Variants in CHST11 observed in about 807,000 individuals in gnomAD.
CHST11 encodes carbohydrate sulfotransferase 11.
CHST11 carries 9 observed loss-of-function variants against 30.4 expected under a neutral mutation model. The ratio of observed to expected loss-of-function variants is 0.30; its 90% CI spans 0.18 to 0.52. The LOEUF (loss-of-function observed/expected upper bound fraction) is 0.52, where lower values mean the gene tolerates loss of function less well. CHST11 is among the 20% of genes least tolerant of loss of function. The pLI is 0.97. For missense variants in CHST11, 348 were observed against 460.6 expected, an observed-to-expected ratio of 0.76 and a Z score of 2.24; for synonymous variants, 152 against 187.8, an observed-to-expected ratio of 0.81 and a Z score of 1.56.
chr12:104,464,067 C>CTT lies in CHST11; in HGVS notation c.118+6555_118+6556dup, dbSNP rs35504512. On this transcript the variant is annotated intron_variant, in intron 1 of 2. Coordinates refer to ENST00000303694, the MANE Select transcript of CHST11 (RefSeq NM_018413.6). ...TTGAAAATGAAGTCTCCTACTTGCA[C>CTT]TTTTTTTTTTTTTTTTTTGAGGTGG... 9.6e-3 allele frequency among the ~76,000 whole-genome samples: 1,294 copies of CTT among 134,968 alleles called. 31 individuals carry two copies. The highest frequency in any genetic ancestry group is 0.034 in the African/African-American group (1,198 of 35,602). The allele number at this position is 134,968 out of a possible 152,430, so 88.5% of individuals were successfully genotyped here.
intron 1 of CHST11, among the ~76,000 whole-genome samples, chr12:104,463,842 G>T (rs1481510163): frequency 1.3e-5 from 2 of 152,146 alleles, no homozygotes; most frequent in Non-Finnish European, 2.9e-5. Context: ...GCAAGAACAC[G>T]CATGGCAAGG....
chr12:104,683,246 C>T (rs2039815316), intron 2 of CHST11, among the ~76,000 whole-genome samples: 1 of 152,116 alleles, frequency 6.6e-6, no homozygotes, highest in African/African-American at 2.4e-5. Flanking sequence ...AAGGCAGAGG[C>T]TTCAGCAAAG....
chr12:104,696,482 C>CAAAAAAAAAAAAAAAAAA (rs10602668), intron 2 of CHST11, among the ~76,000 whole-genome samples: 1 of 69,138 alleles, frequency 1.4e-5, no homozygotes, highest in Non-Finnish European at 2.5e-5. Flanking sequence ...GCTAAAAATA[C>CAAAAAAAAAAAAAAAAAA]AAAAAAAAAA....
At chr12:104,679,135 A>G (rs1178741258) in intron 2 of CHST11, among the ~76,000 whole-genome samples, 1 of 152,226 alleles carries the variant, frequency 6.6e-6, no homozygotes, top group Non-Finnish European at 1.5e-5. Flanking sequence ...CGTAGTACTC[A>G]GATGAGGAAA....
chr12:104,474,798 C>T (rs1275663664), intron 1 of CHST11, among the ~76,000 whole-genome samples: 1 of 152,156 alleles, frequency 6.6e-6, no homozygotes, highest in African/African-American at 2.4e-5. Context: ...GTTCTTCTGC[C>T]CCCTTTGGGG....
intron 1 of CHST11, among the ~76,000 whole-genome samples, chr12:104,459,658 T>C (rs531523561): frequency 1.3e-5 from 2 of 152,314 alleles, no homozygotes; most frequent in East Asian, 1.9e-4. Flanking sequence ...TAGTCTTAAG[T>C]TGACTTGAAA....
intron 1 of CHST11, among the ~76,000 whole-genome samples, chr12:104,500,532 G>T (rs2037843312): frequency 6.8e-6 from 1 of 146,062 alleles, no homozygotes; most frequent in Non-Finnish European, 1.5e-5. Context: ...TCGTTTTTTA[G>T]TTTGGTATTT....
chr12:104,522,005 G>A (rs371870687), intron 1 of CHST11, among the ~76,000 whole-genome samples: 70 of 152,066 alleles, frequency 4.6e-4, no homozygotes, highest in African/African-American at 1.5e-3. Flanking sequence ...CGGAAAATTC[G>A]ACTCTCCTGG....
At chr12:104,478,075 C>G (rs1163679739) in intron 1 of CHST11, among the ~76,000 whole-genome samples, 1 of 152,052 alleles carries the variant, frequency 6.6e-6, no homozygotes, top group African/African-American at 2.4e-5. Flanking sequence ...AAGCAACCCC[C>G]CTAACAGGAA....
intron 1 of CHST11, among the ~76,000 whole-genome samples, chr12:104,477,741 G>C (rs2037577386): frequency 1.3e-5 from 2 of 152,140 alleles, no homozygotes; most frequent in South Asian, 4.1e-4. Flanking sequence ...ATAAATTTCT[G>C]TAGTTTACAA....
intron 2 of CHST11, among the ~76,000 whole-genome samples, chr12:104,657,021 T>TA (rs397814330): frequency 4.0e-5 from 6 of 151,690 alleles, no homozygotes; most frequent in South Asian, 4.2e-4. Flanking sequence ...TTTTTTTTTT[T>TA]AAATTGATGA....
chr12:104,518,160 G>T (rs1818038688), intron 1 of CHST11, among the ~76,000 whole-genome samples: 1 of 152,120 alleles, frequency 6.6e-6, no homozygotes, highest in Admixed American at 6.5e-5. Context: ...AGTGGCACGT[G>T]CCTGTAGTCC....
chr12:104,649,662 A>G (rs1320517550), intron 2 of CHST11, among the ~76,000 whole-genome samples: 1 of 152,218 alleles, frequency 6.6e-6, no homozygotes, highest in African/African-American at 2.4e-5. Flanking sequence ...AAAAAGAAGA[A>G]GGAAGAGAAG....
At chr12:104,689,814 C>A (rs1443988065) in intron 2 of CHST11, among the ~76,000 whole-genome samples, 1 of 152,140 alleles carries the variant, frequency 6.6e-6, no homozygotes, top group South Asian at 2.1e-4. Flanking sequence ...CTTCCCCCTC[C>A]CAATACTGTC....
chr12:104,601,317 A>G (rs1433807946), intron 1 of CHST11, among the ~76,000 whole-genome samples: 1 of 152,218 alleles, frequency 6.6e-6, no homozygotes, highest in Non-Finnish European at 1.5e-5. Flanking sequence ...ATTAATTGTA[A>G]GTACCATCTC....
rs190357819 is a variant in CHST11 at position 104,590,063 on chromosome 12, C to T, written c.119-11843C>T. Among the ~76,000 whole-genome samples the T allele has an allele frequency of 1.8e-4, 28 of 152,024 alleles. No homozygotes were observed. The East Asian group carries it at 4.8e-3, about 26-fold the overall frequency. ...TGAAGATGCCTCACCCTAGCTGGCC[C>T]GTCCCTTGGCTATTAGGTGCCGCAT... is the stretch of plus-strand genomic sequence containing the variant. On this transcript the variant is annotated intron_variant, in intron 1 of 2. Coordinates refer to ENST00000303694, the MANE Select transcript of CHST11 (RefSeq NM_018413.6).
chr12:104,548,391 A>G (rs955131668), intron 1 of CHST11, among the ~76,000 whole-genome samples: 1 of 152,192 alleles, frequency 6.6e-6, no homozygotes, highest in Non-Finnish European at 1.5e-5. Context: ...TCACGCTACC[A>G]GTGTGATGTG....
At chr12:104,585,709 C>T (rs1473311458) in intron 1 of CHST11, among the ~76,000 whole-genome samples, 1 of 152,192 alleles carries the variant, frequency 6.6e-6, no homozygotes, top group African/African-American at 2.4e-5. Context: ...CACTGGGTGG[C>T]TTTAAACCAC....
intron 1 of CHST11, among the ~76,000 whole-genome samples, chr12:104,546,627 T>C (rs1397130855): frequency 1.3e-5 from 2 of 152,108 alleles, no homozygotes; most frequent in African/African-American, 4.8e-5. Flanking sequence ...GGGCATGCAG[T>C]CTCAGAAAGG....
Sources: allele counts gnomAD v4.1 joint callset (sites outside exome capture counted in the v4.1 genomes callset), GRCh38; gene constraint gnomAD v4.1.1; transcripts MANE v1.5; gene names NCBI Gene and HGNC (gene_info 2026-07-23, HGNC 2026-07-21).